The following CALCRL variants were observed in gnomAD, a reference collection of about 807,000 sequenced individuals.
The protein encoded by CALCRL is calcitonin receptor like receptor, also known as calcitonin gene-related peptide type 1 receptor.
Under a neutral mutation model 60.4 loss-of-function variants are expected in CALCRL, and 27 were observed. The observed-to-expected ratio is 0.45, with a 90% CI of 0.33 to 0.62. CALCRL has a LOEUF of 0.62. Ranked by LOEUF, CALCRL falls within the 20% of genes least tolerant of loss-of-function variation. CALCRL has a pLI of 0.03. For missense variants in CALCRL, 424 were observed against 540.7 expected, an observed-to-expected ratio of 0.78 and a Z score of 2.14; for synonymous variants, 190 against 182.6, an observed-to-expected ratio of 1.04 and a Z score of -0.33.
In CALCRL at chr2:187,343,340, G is replaced by A. The variant is rs1686159149; in HGVS notation, c.*2844C>T. On this transcript the variant is annotated 3_prime_UTR_variant, in exon 15 of 15. Coordinates refer to ENST00000392370, the MANE Select transcript of CALCRL (RefSeq NM_005795.6). ...TATTTTCATACAATCAAAAAATAGA[G>A]ATATACTCTAGGCATAACATAAATT... The A allele has an allele frequency of 6.6e-6, 1 of 151,580 alleles. No individual in the cohort carries two copies. The highest frequency in any genetic ancestry group is 2.1e-4 in the South Asian group (1 of 4,812). 9.4% of individuals were successfully genotyped at this position (151,580 alleles called of 1,614,324 possible).
intron 1 of CALCRL, among the ~76,000 whole-genome samples, chr2:187,393,547 T>C (rs1407283151): frequency 6.6e-6 from 1 of 152,146 alleles, no homozygotes; most frequent in African/African-American, 2.4e-5. Context: ...TTTATGTGTC[T>C]CTGCCATGAG....
chr2:187,419,012 A>T (rs1367729500), intron 1 of CALCRL, among the ~76,000 whole-genome samples: 1 of 136,440 alleles, frequency 7.3e-6, no homozygotes, highest in Non-Finnish European at 1.5e-5. Context: ...ACGCACCACC[A>T]CGTCTGGCTA....
At chr2:187,437,966 A>C (rs1447661647) in intron 1 of CALCRL, among the ~76,000 whole-genome samples, 1 of 152,316 alleles carries the variant, frequency 6.6e-6, no homozygotes, top group East Asian at 1.9e-4. Flanking sequence ...TCTGAATACT[A>C]TGGATGTATG....
intron 1 of CALCRL, among the ~76,000 whole-genome samples, chr2:187,397,774 T>G (rs2105816530): frequency 6.6e-6 from 1 of 151,828 alleles, no homozygotes; most frequent in South Asian, 2.1e-4. Context: ...TAGCTCCCGC[T>G]TATAAGTCAG....
At chr2:187,396,251 T>C (rs746945980) in intron 1 of CALCRL, among the ~76,000 whole-genome samples, 12 of 151,850 alleles carry the variant, frequency 7.9e-5, no homozygotes, top group Non-Finnish European at 2.9e-5. Flanking sequence ...TCTTTTGAGC[T>C]ATTCTTACTT....
intron 1 of CALCRL, among the ~76,000 whole-genome samples, chr2:187,404,656 C>T (rs1002538491): frequency 1.3e-5 from 2 of 150,920 alleles, no homozygotes; most frequent in African/African-American, 4.9e-5. Context: ...TGAGGAGTTT[C>T]CTTACTAAAT....
chr2:187,361,150 C>T (rs1188237207), intron 9 of CALCRL, among the ~76,000 whole-genome samples: 1 of 129,782 alleles, frequency 7.7e-6, no homozygotes, highest in Non-Finnish European at 1.6e-5. Context: ...ATTTTAAAAC[C>T]AATTCATTAA....
chr2:187,356,311 T>G (rs1328549852), intron 12 of CALCRL, among the ~76,000 whole-genome samples: 1 of 152,102 alleles, frequency 6.6e-6, no homozygotes, highest in East Asian at 1.9e-4. Context: ...AACAGATACA[T>G]AGACCAATTA....
intron 1 of CALCRL, among the ~76,000 whole-genome samples, chr2:187,416,043 C>T (rs1338695464): frequency 1.3e-5 from 2 of 152,196 alleles, no homozygotes; most frequent in African/African-American, 4.8e-5. Flanking sequence ...CCCTTGTGCT[C>T]AGCCAATAAT....
intron 1 of CALCRL, among the ~76,000 whole-genome samples, chr2:187,419,507 C>G (rs1424409339): frequency 2.0e-5 from 3 of 152,150 alleles, no homozygotes; most frequent in Non-Finnish European, 4.4e-5. Context: ...ACCTTCTAGT[C>G]TATGGCTTTC....
chr2:187,364,417 A>G (rs1687189810), intron 8 of CALCRL, among the ~76,000 whole-genome samples: 1 of 152,020 alleles, frequency 6.6e-6, no homozygotes, highest in African/African-American at 2.4e-5. Context: ...ATGAAGGAAG[A>G]CCTGAGGAAT....
At position 187,436,241 on chromosome 2, in the gene CALCRL, A is replaced by G. The variant is rs546798736; in HGVS notation, c.-293+11798T>C. ...ACATCCAAAATACAGAAAAGAGAACACTATGTCAGGGCACACATGCATCAT... is the reference window on the plus strand; with the variant it reads ...ACATCCAAAATACAGAAAAGAGAACGCTATGTCAGGGCACACATGCATCAT... On this transcript the variant is annotated intron_variant, in intron 1 of 14. Coordinates refer to ENST00000392370, the MANE Select transcript of CALCRL (RefSeq NM_005795.6). Among the ~76,000 whole-genome samples the G allele has an allele frequency of 5.6e-4, 85 of 152,288 alleles. 2 individuals carry two copies. The highest frequency in any genetic ancestry group is 3.4e-3 in the Middle Eastern group (1 of 294).
chr2:187,407,052 T>C (rs1209833091), intron 1 of CALCRL, among the ~76,000 whole-genome samples: 1 of 152,042 alleles, frequency 6.6e-6, no homozygotes, highest in Non-Finnish European at 1.5e-5. Flanking sequence ...GCCTTTTGTA[T>C]GTGCCTTCTA....
intron 5 of CALCRL, 94 bp downstream of exon 5, chr2:187,383,079 A>G (rs1301872414): frequency 2.4e-6 from 3 of 1,241,356 alleles, no homozygotes; most frequent in Non-Finnish European, 3.4e-6. Flanking sequence ...ATCTATTTTT[A>G]ATAATGGACC....
At position 187,346,244 on chromosome 2, in the gene CALCRL, A is replaced by G; in HGVS notation, c.1326T>C (p.Asn442=). The change falls in exon 15 of 15, where the codon AAT becomes AAC. Residue 442 remains asparagine, a synonymous_variant. Transcript: ENST00000392370. ...TTTCAATATCATGGATGCTTTTTCC[A>G]TTTAAGTGTTCACTAGGACAGTCAT... ...YSHDCPSEHL[N]GKSIHDIENV... The G allele has an allele frequency of 6.2e-7, 1 of 1,611,980 alleles. No homozygotes were observed. Among genetic ancestry groups the G allele is most frequent in the South Asian group, 1.1e-5 (1 of 90,992 alleles).
intron 1 of CALCRL, among the ~76,000 whole-genome samples, chr2:187,432,953 C>T (rs1378678864): frequency 6.6e-6 from 1 of 152,058 alleles, no homozygotes; most frequent in African/African-American, 2.4e-5. Context: ...CTTCACCATA[C>T]AGCCTAGATG....
rs757371916 is a variant in CALCRL, at chr2:187,406,752, AAAG to A, written c.-292-18999_-292-18997del. On this transcript the variant is annotated intron_variant, in intron 1 of 14. Coordinates refer to ENST00000392370, the MANE Select transcript of CALCRL (RefSeq NM_005795.6). ...GAAAGAGACAGAGACAGAGAAAGAA[AAAG>A]AAGACAGAAGGACAGTCTTACTTGG... 3.4e-4 allele frequency among the ~76,000 whole-genome samples: 52 copies of A among 152,196 alleles called. 1 individual carries two copies. Among genetic ancestry groups the A allele is most frequent in the Non-Finnish European group, 4.7e-4 (32 of 67,964 alleles).
chr2:187,437,061 G>T (rs2105902910), intron 1 of CALCRL, among the ~76,000 whole-genome samples: 1 of 152,028 alleles, frequency 6.6e-6, no homozygotes, highest in South Asian at 2.1e-4. Flanking sequence ...CTTTAATCTT[G>T]TTCCTTCCAT....
intron 9 of CALCRL, among the ~76,000 whole-genome samples, chr2:187,361,055 T>G (rs1272125910): frequency 1.3e-5 from 2 of 152,098 alleles, no homozygotes; most frequent in Non-Finnish European, 2.9e-5. Flanking sequence ...ATTATAAGTA[T>G]AAAAGTGTCA....
Sources: allele counts gnomAD v4.1 joint callset (sites outside exome capture counted in the v4.1 genomes callset), GRCh38; gene constraint gnomAD v4.1.1; transcripts MANE v1.5; gene names NCBI Gene and HGNC (gene_info 2026-07-23, HGNC 2026-07-21).